Variants in AFF3 observed in about 807,000 individuals in gnomAD.
AFF3 encodes ALF transcription elongation factor 3.
AFF3 carries 32 observed loss-of-function variants against 129.7 expected under a neutral mutation model. The ratio of observed to expected loss-of-function variants is 0.25; its 90% confidence interval spans 0.19 to 0.33. The LOEUF is 0.33. AFF3 is among the 10% of genes least tolerant of loss of function. The pLI, the probability that AFF3 is intolerant of heterozygous loss-of-function variation, is 1.00. For synonymous variants in AFF3, 644 were observed against 635.4 expected (o/e 1.01, Z -0.20); for missense variants, 1,373 against 1,592.0 (o/e 0.86, Z 2.34).
At position 99,748,231 on chromosome 2, in the gene AFF3, T is replaced by G. The variant is rs190073333; in HGVS notation, c.1002+3990A>C. Among the ~76,000 whole-genome samples the G allele has an allele frequency of 2.0e-4, 30 of 152,272 alleles. 1 individual carries two copies. Among genetic ancestry groups the G allele is most frequent in the South Asian group, 1.7e-3 (8 of 4,828 alleles). ...CCACACACTGAAGTCCTTTCCACTT[T>G]TGTGTCTCCTGCCACCCCATCCAGA... On this transcript the variant is annotated intron_variant, in intron 9 of 24. Coordinates refer to ENST00000672756, the MANE Select transcript of AFF3 (RefSeq NM_001386135.1).
intron 12 of AFF3, among the ~76,000 whole-genome samples, chr2:99,672,178 TCACACACACACACA>T (rs1177303721): frequency 2.3e-4 from 13 of 56,368 alleles, no homozygotes; most frequent in East Asian, 5.1e-4. Flanking sequence ...AGTTAGCTTC[TCACACACACACACA>T]CACACACACA....
At chr2:99,756,929 C>A (rs1262706081) in intron 8 of AFF3, among the ~76,000 whole-genome samples, 1 of 152,178 alleles carries the variant, frequency 6.6e-6, no homozygotes, top group African/African-American at 2.4e-5. Context: ...ACCTTAGCAA[C>A]CACTTTCAAT....
At chr2:99,726,961 A>G in intron 11 of AFF3, 116 bp downstream of exon 11, 1 of 928,478 alleles carries the variant, frequency 1.1e-6, no homozygotes, top group Non-Finnish European at 1.6e-6. Context: ...ATGAGAAAAG[A>G]GAACCATGGG....
chr2:100,022,415 CT>C (rs1008704884), intron 4 of AFF3, among the ~76,000 whole-genome samples: 16 of 151,886 alleles, frequency 1.1e-4, no homozygotes, highest in Non-Finnish European at 1.6e-4. Flanking sequence ...CCCTTCCCCA[CT>C]TTTTTTTCGG....
Position 99,546,716 on chromosome 2 carries a change from T to G in AFF3, c.*4758A>C. On this transcript the variant is annotated 3_prime_UTR_variant, in exon 25 of 25. Transcript: ENST00000672756. The stretch of plus-strand genomic sequence containing the variant: ...TGCCTCCGTCTTCTTTAGTTCAAAA[T>G]TATCTTATTTTACTCAACCAAATAT... The G allele has an allele frequency of 4.4e-6, 1 of 225,536 alleles. No individual in the cohort carries two copies. The highest frequency in any genetic ancestry group is 1.8e-4 in the South Asian group (1 of 5,452). 14.0% of individuals were successfully genotyped at this position (225,536 alleles called of 1,614,324 possible).
intron 4 of AFF3, among the ~76,000 whole-genome samples, chr2:100,043,136 C>T (rs748826102): frequency 4.5e-4 from 69 of 151,930 alleles, no homozygotes; most frequent in Non-Finnish European, 8.1e-4. Flanking sequence ...TGCCCAGAAA[C>T]TGGGACGTGA....
intron 2 of AFF3, among the ~76,000 whole-genome samples, chr2:100,128,120 C>G (rs549506768): frequency 8.0e-5 from 12 of 150,812 alleles, no homozygotes; most frequent in Non-Finnish European, 1.8e-4. Flanking sequence ...AAATGGGAGG[C>G]ACGAATAATC....
intron 4 of AFF3, among the ~76,000 whole-genome samples, chr2:100,015,703 T>C (rs1033590853): frequency 6.6e-5 from 10 of 152,200 alleles, no homozygotes; most frequent in Admixed American, 6.5e-4. Flanking sequence ...GCTGGTGGAC[T>C]GAAAGGCAGA....
intron 11 of AFF3, among the ~76,000 whole-genome samples, chr2:99,688,386 T>TC (rs1185197534): frequency 6.6e-6 from 1 of 152,142 alleles, no homozygotes; most frequent in Non-Finnish European, 1.5e-5. Context: ...ACATTTTCAG[T>TC]CCCAACAATG....
intron 7 of AFF3, among the ~76,000 whole-genome samples, chr2:99,952,992 A>G (rs773132519): frequency 6.6e-6 from 1 of 152,244 alleles, no homozygotes; most frequent in Non-Finnish European, 1.5e-5. Flanking sequence ...AAGATAATAC[A>G]TGGAAAGTGC....
At chr2:100,035,483 AGCT>A (rs1427528138) in intron 4 of AFF3, among the ~76,000 whole-genome samples, 8 of 152,294 alleles carry the variant, frequency 5.3e-5, no homozygotes, top group Admixed American at 3.3e-4. Context: ...AAATTCTTAT[AGCT>A]GAAGCAACCT....
chr2:99,727,213 C>A, intron 10 of AFF3, 85 bp from the exon 11 acceptor site: 1 of 1,287,452 alleles, frequency 7.8e-7, no homozygotes. Context: ...TTTCCATGCT[C>A]CTATTAACAA....
chr2:100,008,951 G>A lies in AFF3; in HGVS notation c.54-19C>T. Reference sequence around the variant, plus strand: ...ATAGACACTGCATCAGGAAAAAGAAGAGAGAACAACCACACACACAAATTA... The same window carrying A: ...ATAGACACTGCATCAGGAAAAAGAAAAGAGAACAACCACACACACAAATTA... On this transcript the variant is annotated intron_variant, in intron 4 of 24. Transcript: ENST00000672756. 6.2e-7 allele frequency: 1 copy of A among 1,612,900 alleles called. No homozygotes were observed. Among genetic ancestry groups the A allele is most frequent in the Non-Finnish European group, 8.5e-7 (1 of 1,179,472 alleles).
chr2:99,892,089 TG>T (rs1176288554), intron 7 of AFF3, among the ~76,000 whole-genome samples: 6 of 152,210 alleles, frequency 3.9e-5, no homozygotes, highest in Admixed American at 3.9e-4. Flanking sequence ...CCCAAAGTGC[TG>T]GGATTACAGG....
chr2:99,981,658 T>C (rs574992192), intron 7 of AFF3, among the ~76,000 whole-genome samples: 96 of 152,332 alleles, frequency 6.3e-4, no homozygotes, highest in African/African-American at 2.0e-3. Flanking sequence ...CTTTTGTGAA[T>C]TGTCTGCTCA....
intron 2 of AFF3, among the ~76,000 whole-genome samples, chr2:100,113,571 T>C (rs549868725): frequency 3.0e-4 from 46 of 152,256 alleles, no homozygotes; most frequent in Non-Finnish European, 5.4e-4. Flanking sequence ...ACTAAGTGAA[T>C]AGGGGGGAAT....
intron 7 of AFF3, among the ~76,000 whole-genome samples, chr2:99,978,122 CAGG>C (rs1290374884): frequency 2.0e-5 from 3 of 152,178 alleles, no homozygotes; most frequent in Non-Finnish European, 4.4e-5. Context: ...CTCTGAGGTT[CAGG>C]AGGAGAATTC....
At chr2:99,724,274 T>TC (rs200928097) in intron 11 of AFF3, among the ~76,000 whole-genome samples, 2,252 of 119,758 alleles carry the variant, frequency 0.019, 134 homozygotes, top group African/African-American at 0.069. Context: ...GACCTTTCTT[T>TC]TTTTTTTTTT....
chr2:99,815,410 C>A (rs1249096370), intron 8 of AFF3, among the ~76,000 whole-genome samples: 1 of 152,202 alleles, frequency 6.6e-6, no homozygotes, highest in East Asian at 1.9e-4. Flanking sequence ...GTAATGATTG[C>A]ATTTTAATGA....
Sources: gnomAD v4.1 joint callset for allele counts (sites outside exome capture counted in the v4.1 genomes callset) on GRCh38, gnomAD v4.1.1 for gene constraint, MANE v1.5 for transcripts, NCBI Gene and HGNC (gene_info 2026-07-23, HGNC 2026-07-21) for gene names.